Variants in HIPK1 observed in about 807,000 individuals in gnomAD.
The protein encoded by HIPK1 is homeodomain-interacting protein kinase 1.
HIPK1 carries 28 observed loss-of-function variants against 117.1 expected under a neutral mutation model. The ratio of observed to expected loss-of-function variants is 0.24; its 90% CI spans 0.18 to 0.33. The LOEUF (loss-of-function observed/expected upper bound fraction) is 0.33. Among genes scored for constraint, HIPK1 ranks in the 10% least tolerant of loss-of-function variants. The pLI is 1.00. For synonymous variants in HIPK1, 605 were observed against 562.5 expected, an observed-to-expected ratio of 1.08 and a Z score of -1.07; for missense variants, 1,122 against 1,475.1, an observed-to-expected ratio of 0.76 and a Z score of 3.92.
chr1:113,959,702 G>A (rs1671969957), intron 8 of HIPK1, among the ~76,000 whole-genome samples: 1 of 152,086 alleles, frequency 6.6e-6, no homozygotes, highest in East Asian at 1.9e-4. Flanking sequence ...GTATAATTAG[G>A]TAAGCTTTGA....
Position 113,941,592 on chromosome 1 carries a change from C to T in HIPK1, c.1076+133C>T. The stretch of plus-strand genomic sequence containing the variant: ...GATAGAAATAGGATATGTTTTAGCT[C>T]ATTCTATGTGTGTGGCATTCCTATA... On this transcript the variant is annotated intron_variant, in intron 2 of 15. Coordinates refer to ENST00000426820, the MANE Select transcript of HIPK1 (RefSeq NM_198268.3). This position sits in a 1 kb window ranked among gnomAD's most constrained non-coding sequence, Gnocchi z 4.9. 1 of 707,722 alleles carries T rather than the reference C, an allele frequency of 1.4e-6. No individual in the cohort carries two copies. The highest frequency in any genetic ancestry group is 2.3e-6 in the Non-Finnish European group (1 of 427,300). The allele number at this position is 707,722 out of a possible 1,614,324, so 43.8% of individuals were successfully genotyped here. A position where few individuals can be genotyped will look rare whatever the true frequency, so the allele number is the denominator to read the frequency against.
chr1:113,972,073 A>G (rs755312071), intron 15 of HIPK1, 119 bp downstream of exon 15: 1 of 1,611,672 alleles, frequency 6.2e-7, no homozygotes, highest in South Asian at 1.1e-5. Context: ...GTGTCAAACA[A>G]TTTTGTGTTC....
intron 9 of HIPK1, 85 bp downstream of exon 9, chr1:113,962,523 T>G: frequency 7.4e-7 from 1 of 1,348,724 alleles, no homozygotes; most frequent in South Asian, 1.4e-5. Context: ...GGTATTTCCT[T>G]TGACTATAAG....
intron 13 of HIPK1, among the ~76,000 whole-genome samples, chr1:113,969,412 C>A (rs1672674619): frequency 6.6e-6 from 1 of 152,122 alleles, no homozygotes; most frequent in African/African-American, 2.4e-5. Context: ...TTAGTTTCCT[C>A]ATCTGCAAAA....
intron 10 of HIPK1, among the ~76,000 whole-genome samples, chr1:113,965,062 C>A (rs189041157): frequency 4.7e-4 from 72 of 152,284 alleles, no homozygotes; most frequent in African/African-American, 1.6e-3. Context: ...TTAAATTCTG[C>A]TTATGGTAGC....
chr1:113,952,557 G>C (rs1199915333), intron 2 of HIPK1, among the ~76,000 whole-genome samples: 2 of 152,072 alleles, frequency 1.3e-5, no homozygotes, highest in African/African-American at 4.8e-5. Flanking sequence ...TTTGTGTTCT[G>C]CATTACCTTT....
intron 5 of HIPK1, among the ~76,000 whole-genome samples, chr1:113,956,001 T>C (rs1356615519): frequency 6.6e-6 from 1 of 151,988 alleles, no homozygotes; most frequent in East Asian, 1.9e-4. Context: ...TGTCATTTAA[T>C]TTTTTCAACA....
In HIPK1 at chr1:113,962,306, G is replaced by C. The variant is rs755082086; in HGVS notation, c.1982-11G>C. 6.2e-7 allele frequency: 1 copy of C among 1,612,740 alleles called. No individual in the cohort carries two copies. Among genetic ancestry groups the C allele is most frequent in the Non-Finnish European group, 8.5e-7 (1 of 1,179,248 alleles). Reference sequence around the variant, plus strand: ...TGCAAAACTATTTAACTGTGATGCTGTTTTCAATAGCTGGACTACAAGCAA... The same window carrying C: ...TGCAAAACTATTTAACTGTGATGCTCTTTTCAATAGCTGGACTACAAGCAA... On this transcript the variant is annotated splice_polypyrimidine_tract_variant and intron_variant, in intron 8 of 15. Coordinates refer to ENST00000426820, the MANE Select transcript of HIPK1 (RefSeq NM_198268.3).
intron 11 of HIPK1, among the ~76,000 whole-genome samples, chr1:113,966,844 T>A (rs1672481005): frequency 1.3e-5 from 2 of 151,926 alleles, no homozygotes; most frequent in South Asian, 2.1e-4. Context: ...TTCTTTTTTT[T>A]TTTTTTTTGT....
intron 1 of HIPK1, among the ~76,000 whole-genome samples, chr1:113,938,964 T>A (rs57429064): frequency 6.3e-4 from 47 of 74,242 alleles, no homozygotes; most frequent in East Asian, 1.2e-3. Flanking sequence ...ACACACACAC[T>A]TAGGAGATGG....
intron 2 of HIPK1, among the ~76,000 whole-genome samples, chr1:113,951,831 G>A (rs950307715): frequency 2.6e-5 from 4 of 151,960 alleles, no homozygotes; most frequent in Admixed American, 6.6e-5. Context: ...GACCCTGACA[G>A]GCTGGCTCTA....
intron 1 of HIPK1, 133 bp downstream of exon 1, chr1:113,929,665 A>G (rs1473351301): frequency 1.1e-6 from 1 of 913,552 alleles, no homozygotes; most frequent in Non-Finnish European, 1.4e-6. Flanking sequence ...GCCCGGCGGT[A>G]GCCCCGGACG....
chr1:113,971,354 C>T (rs1672811170), intron 14 of HIPK1, among the ~76,000 whole-genome samples: 1 of 152,218 alleles, frequency 6.6e-6, no homozygotes, highest in Non-Finnish European at 1.5e-5. Flanking sequence ...TTCAGCTGTC[C>T]TGTAATTTCT....
chr1:113,944,472 T>G (rs943761388), intron 2 of HIPK1, among the ~76,000 whole-genome samples: 3 of 145,562 alleles, frequency 2.1e-5, no homozygotes, highest in Non-Finnish European at 4.5e-5. Flanking sequence ...CCAATAATAG[T>G]TTTTTTTTGT....
At chr1:113,966,032 C>T (rs1672422414) in intron 10 of HIPK1, 98 bp from the exon 11 acceptor site, 2 of 1,244,848 alleles carry the variant, frequency 1.6e-6, no homozygotes, top group Admixed American at 4.7e-5. Flanking sequence ...CTACAAGCAA[C>T]TTCTTTTAAG....
At position 113,942,356 on chromosome 1, in the gene HIPK1, A is replaced by G. The variant is rs544261265; in HGVS notation, c.1076+897A>G. On this transcript the variant is annotated intron_variant, in intron 2 of 15. Coordinates refer to ENST00000426820, the MANE Select transcript of HIPK1 (RefSeq NM_198268.3). The stretch of plus-strand genomic sequence containing the variant: ...GAGGCGTGAGCCACCATGCCCAGCC[A>G]TTTTCCCATTTTGAAGAGTCTTGAA... Among the ~76,000 whole-genome samples, 497 of 152,286 alleles carry G rather than the reference A, an allele frequency of 3.3e-3. 4 individuals carry two copies. The highest frequency in any genetic ancestry group is 0.011 in the African/African-American group (460 of 41,570).
At chr1:113,971,652 G>A (rs1672831594) in intron 14 of HIPK1, among the ~76,000 whole-genome samples, 172 bp from the exon 15 acceptor site, 1 of 152,140 alleles carries the variant, frequency 6.6e-6, no homozygotes, top group Non-Finnish European at 1.5e-5. Flanking sequence ...GTGGAGATTT[G>A]TGCCAAGACA....
chr1:113,929,429 C>G lies in HIPK1; in HGVS notation c.-106C>G. On this transcript the variant is annotated 5_prime_UTR_variant, in exon 1 of 16. Transcript: ENST00000426820. ...GTCCAGGCCCCGCACTCGATCCACG[C>G]TGGCTCCCTACGGAGGCCCACCTAC... The G allele has an allele frequency of 1.6e-6, 2 of 1,289,382 alleles. No homozygotes were observed. Among genetic ancestry groups the G allele is most frequent in the Admixed American group, 2.3e-5 (1 of 43,572 alleles). The allele number at this position is 1,289,382 out of a possible 1,614,324, so 79.9% of individuals were successfully genotyped here.
At position 113,962,312 on chromosome 1, in the gene HIPK1, A is replaced by C; in HGVS notation, c.1982-5A>C. 2 of 1,613,250 alleles carry C rather than the reference A, an allele frequency of 1.2e-6. No individual in the cohort carries two copies. Among genetic ancestry groups the C allele is most frequent in the Non-Finnish European group, 1.7e-6 (2 of 1,179,540 alleles). ...ACTATTTAACTGTGATGCTGTTTTCAATAGCTGGACTACAAGCAACAACAA... is the reference window on the plus strand; with the variant it reads ...ACTATTTAACTGTGATGCTGTTTTCCATAGCTGGACTACAAGCAACAACAA... On this transcript the variant is annotated splice_region_variant and splice_polypyrimidine_tract_variant and intron_variant, in intron 8 of 15. Transcript: ENST00000426820.
Sources: allele counts gnomAD v4.1 joint callset (sites outside exome capture counted in the v4.1 genomes callset), GRCh38; gene constraint gnomAD v4.1.1; non-coding constraint Gnocchi (gnomAD v3.1); transcripts MANE v1.5; gene names NCBI Gene and HGNC (gene_info 2026-07-23, HGNC 2026-07-21).